The following ACTR6 variants were observed in gnomAD, a reference collection of about 807,000 sequenced individuals.
ACTR6 encodes the protein actin-related protein 6.
In ACTR6, 50 loss-of-function variants were observed where a neutral mutation model predicts 52.5. The ratio of observed to expected loss-of-function variants is 0.95; its 90% CI spans 0.76 to 1.20. ACTR6 has a LOEUF of 1.20. ACTR6 is among the 50% of genes most tolerant of loss of function. ACTR6 has a pLI of 0.00. For missense variants in ACTR6, 344 were observed against 472.4 expected, an observed-to-expected ratio of 0.73 and a Z score of 2.52; for synonymous variants, 135 against 147.2, an observed-to-expected ratio of 0.92 and a Z score of 0.60.
intron 10 of ACTR6, 119 bp downstream of exon 10, chr12:100,220,265 T>G: frequency 1.0e-6 from 1 of 962,646 alleles, no homozygotes; most frequent in South Asian, 1.7e-5. Flanking sequence ...ACCTGCTGAA[T>G]ATTCATTTTT....
chr12:100,213,006 C>CAAA (rs60253803), intron 8 of ACTR6, among the ~76,000 whole-genome samples: 100 of 66,450 alleles, frequency 1.5e-3, no homozygotes, highest in Non-Finnish European at 1.8e-3. Flanking sequence ...GACTCTGTCT[C>CAAA]AAAAAAAAAA....
intron 8 of ACTR6, among the ~76,000 whole-genome samples, chr12:100,215,754 G>A (rs768781192): frequency 4.3e-4 from 65 of 152,086 alleles, no homozygotes; most frequent in Admixed American, 9.2e-4. Context: ...ATTTTTTAAA[G>A]ATTTAGAAAC....
intron 10 of ACTR6, among the ~76,000 whole-genome samples, chr12:100,221,157 T>C (rs2096127995): frequency 6.6e-6 from 1 of 152,160 alleles, no homozygotes; most frequent in Non-Finnish European, 1.5e-5. Context: ...ATAGCAATGA[T>C]CAGATTAAAA....
chr12:100,214,577 A>T (rs901893059), intron 8 of ACTR6, among the ~76,000 whole-genome samples: 27 of 151,934 alleles, frequency 1.8e-4, no homozygotes, highest in African/African-American at 6.0e-4. Flanking sequence ...AAAAAAAAAA[A>T]AATTAAAATT....
At chr12:100,208,405 A>G (rs1451400456) in intron 4 of ACTR6, among the ~76,000 whole-genome samples, 1 of 151,674 alleles carries the variant, frequency 6.6e-6, no homozygotes, top group Non-Finnish European at 1.5e-5. Context: ...CCTCCCAAGT[A>G]GCTGGGATTA....
chr12:100,212,223 T>A, intron 6 of ACTR6, 33 bp from the exon 7 acceptor site: 1 of 1,410,996 alleles, frequency 7.1e-7, no homozygotes, highest in Non-Finnish European at 9.7e-7. Context: ...TTAATTGTTT[T>A]GCTTCAAATT....
intron 8 of ACTR6, among the ~76,000 whole-genome samples, chr12:100,214,995 A>T (rs1353416152): frequency 6.6e-6 from 1 of 152,200 alleles, no homozygotes; most frequent in Admixed American, 6.5e-5. Flanking sequence ...GATTATTGTC[A>T]TATTTTATAG....
chr12:100,212,307 T>C lies in ACTR6; in HGVS notation c.624T>C (p.Asp208=). Reference sequence around the variant, plus strand: ...ATGTGATTAATCAAGTGAAAGAAGATGTATGCTATGTGTCTCAGGATTTTT... The same window carrying C: ...ATGTGATTAATCAAGTGAAAGAAGACGTATGCTATGTGTCTCAGGATTTTT... The part of the protein sequence containing the change: ...ETHVINQVKE[D]VCYVSQDFYR... The change falls in exon 7 of 11, where the codon GAT becomes GAC. Residue 208 remains aspartate (D), a synonymous_variant. Transcript: ENST00000188312. The C allele has an allele frequency of 6.2e-7, 1 of 1,612,594 alleles. No homozygotes were observed. The highest frequency in any genetic ancestry group is 1.1e-5 in the South Asian group (1 of 90,648).
rs773491494 is a variant in ACTR6, at chr12:100,204,901, A to G, written c.69-39A>G. 3.6e-6 allele frequency: 5 copies of G among 1,370,158 alleles called. No homozygotes were observed. In the Admixed American group the frequency reaches 5.6e-5, roughly 15 times the overall value. 84.9% of individuals were successfully genotyped at this position (1,370,158 alleles called of 1,614,324 possible). On this transcript the variant is annotated intron_variant, in intron 1 of 10. Transcript: ENST00000188312. ...TGAAGTAAAAATGTTTTTAGGAACT[A>G]AATATTTAGGGGATAATTATTTGTT...
Position 100,205,664 on chromosome 12 carries a change from A to T in ACTR6, c.187-12A>T. The T allele has an allele frequency of 6.7e-7, 1 of 1,489,848 alleles. No individual in the cohort carries two copies. Among genetic ancestry groups the T allele is most frequent in the Non-Finnish European group, 9.0e-7 (1 of 1,116,520 alleles). The allele number at this position is 1,489,848 out of a possible 1,614,324, so 92.3% of individuals were successfully genotyped here. A position where few individuals can be genotyped will look rare whatever the true frequency, so the allele number is the denominator to read the frequency against. ...TGTTCTTGATAATTAAATTTATAAA[A>T]ACATTTTTTAGGGCTACTTGGTGAA... On this transcript the variant is annotated splice_polypyrimidine_tract_variant and intron_variant, in intron 2 of 10. Transcript: ENST00000188312.
intron 10 of ACTR6, among the ~76,000 whole-genome samples, chr12:100,221,517 A>T (rs1476261977): frequency 7.0e-6 from 1 of 143,728 alleles, no homozygotes; most frequent in Non-Finnish European, 1.5e-5. Flanking sequence ...AATAGGTCTT[A>T]TTATTTTATT....
rs1249385727 is a variant in ACTR6 at position 100,218,127 on chromosome 12, A to G, written c.751-288A>G. 6.6e-6 allele frequency among the ~76,000 whole-genome samples: 1 copy of G among 152,160 alleles called. No homozygotes were observed. Among genetic ancestry groups the G allele is most frequent in the East Asian group, 1.9e-4 (1 of 5,190 alleles). ...AGTGCTGGGATTACAGGTGTGAGCC[A>G]GGGCACCTGGCCCTCTTTGTATTTT... is the stretch of plus-strand genomic sequence containing the variant. On this transcript the variant is annotated intron_variant, in intron 8 of 10. Coordinates refer to ENST00000188312, the MANE Select transcript of ACTR6 (RefSeq NM_022496.5). The surrounding 1 kb of genome is among the most constrained non-coding windows in gnomAD (Gnocchi z 4.2).
intron 8 of ACTR6, among the ~76,000 whole-genome samples, chr12:100,215,839 G>A (rs1476159854): frequency 6.6e-6 from 1 of 151,932 alleles, no homozygotes; most frequent in Non-Finnish European, 1.5e-5. Flanking sequence ...ATTTATTTGA[G>A]AGCCTTTATT....
At chr12:100,201,705 A>C (rs566855980) in intron 1 of ACTR6, among the ~76,000 whole-genome samples, 1 of 152,236 alleles carries the variant, frequency 6.6e-6, no homozygotes, top group South Asian at 2.1e-4. Context: ...ATCTCAGCTC[A>C]CTGCAGCCTG....
chr12:100,205,401 A>AC (rs1439141350), intron 2 of ACTR6: 5 of 291,580 alleles, frequency 1.7e-5, no homozygotes, highest in Non-Finnish European at 2.5e-5. Context: ...AGAAAAACAT[A>AC]CTAACATAAT....
At chr12:100,205,191 G>C (rs1313189666) in intron 2 of ACTR6, 134 bp downstream of exon 2, 1 of 407,082 alleles carries the variant, frequency 2.5e-6, no homozygotes, top group East Asian at 4.8e-5. Context: ...AAATTTAATT[G>C]TTTGGGTAAA....
intron 4 of ACTR6, chr12:100,209,031 G>A (rs983117738): frequency 2.1e-5 from 6 of 291,898 alleles, no homozygotes; most frequent in Non-Finnish European, 4.0e-5. Context: ...ATTGGCATAA[G>A]CCACGGCTCC....
At chr12:100,217,772 ATGTAGGCTCTT>A (rs2096124967) in intron 8 of ACTR6, among the ~76,000 whole-genome samples, 1 of 152,194 alleles carries the variant, frequency 6.6e-6, no homozygotes, top group Non-Finnish European at 1.5e-5. Context: ...AAATGTAGAG[ATGTAGGCTCTT>A]TCCAGAAGGG....
chr12:100,207,519 C>A, intron 3 of ACTR6, 144 bp from the exon 4 acceptor site: 1 of 704,332 alleles, frequency 1.4e-6, no homozygotes, highest in Non-Finnish European at 2.1e-6. Context: ...CTTTTCTGTG[C>A]CTCAGTTTGC....
Sources: gnomAD v4.1 joint callset for allele counts (sites outside exome capture counted in the v4.1 genomes callset) on GRCh38, gnomAD v4.1.1 for gene constraint, Gnocchi (gnomAD v3.1) non-coding constraint, MANE v1.5 for transcripts, NCBI Gene and HGNC (gene_info 2026-07-23, HGNC 2026-07-21) for gene names.